The following PANK3 variants were observed in gnomAD, a reference collection of about 807,000 sequenced individuals.
PANK3 encodes hPanK3.
In PANK3, 20 loss-of-function variants were observed where a neutral mutation model predicts 39.4. That is an observed-to-expected ratio of 0.51 (90% confidence interval 0.36 to 0.74). The LOEUF is 0.74. Among genes scored for constraint, PANK3 ranks in the 30% least tolerant of loss-of-function variants. PANK3 has a pLI of 0.00. For missense variants in PANK3, 265 were observed against 437.0 expected, an observed-to-expected ratio of 0.61 and a Z score of 3.51; for synonymous variants, 140 against 157.3, an observed-to-expected ratio of 0.89 and a Z score of 0.82.
Position 168,550,380 on chromosome 5 carries a change from T to C in PANK3, c.*7191A>G, listed in dbSNP as rs1003307938. On this transcript the variant is annotated 3_prime_UTR_variant, in exon 7 of 7. Transcript: ENST00000239231. ...ATGGGTCTACTGGAACATAACCCTA[T>C]TGTAAGTCAAGGAACATCTGTATTC... 3 of 152,204 alleles carry C rather than the reference T, an allele frequency of 2.0e-5. No homozygotes were observed. Among genetic ancestry groups the C allele is most frequent in the African/African-American group, 7.2e-5 (3 of 41,454 alleles). The allele number at this position is 152,204 out of a possible 1,614,324, so 9.4% of individuals were successfully genotyped here.
At position 168,553,395 on chromosome 5, in the gene PANK3, C is replaced by G; in HGVS notation, c.*4176G>C. 1 of 475,944 alleles carries G rather than the reference C, an allele frequency of 2.1e-6. No individual in the cohort carries two copies. The highest frequency in any genetic ancestry group is 4.3e-6 in the Non-Finnish European group (1 of 233,578). The allele number at this position is 475,944 out of a possible 1,614,324, so 29.5% of individuals were successfully genotyped here. On this transcript the variant is annotated 3_prime_UTR_variant, in exon 7 of 7. Transcript: ENST00000239231. ...CCAACTCAGCTTGTCTGCAGAATCC[C>G]ATAAGGCAACCAGTAATAGCCAACA... is the stretch of plus-strand genomic sequence containing the variant.
In PANK3 at chr5:168,561,487, C is replaced by T. The variant is rs777845296; in HGVS notation, c.842G>A (p.Arg281Gln). 2.0e-5 allele frequency: 31 copies of T among 1,585,230 alleles called. No individual in the cohort carries two copies. The highest frequency in any genetic ancestry group is 3.5e-5 in the South Asian group (3 of 86,408). ...CAGATCTTCTTTACTAACAGATTCT[C>T]GCTTCTCCTTATAAATCATATTCCC... ...SFGNMIYKEK[R>Q]ESVSKEDLAR... The change falls in exon 5 of 7, where the codon CGA (arginine) becomes CAA (glutamine). Residue 281 changes from arginine (R) to glutamine (Q), a missense_variant. Around this residue, in one of 3 missense-constraint regions of PANK3, gnomAD observed 110 missense variants for 161.2 expected, o/e 0.68. Transcript: ENST00000239231.
At chr5:168,576,954 C>A (rs158893) in intron 1 of PANK3, among the ~76,000 whole-genome samples, 121,209 of 151,836 alleles carry the variant, frequency 0.8, 48,942 homozygotes, top group East Asian at 0.93. Flanking sequence ...ATCTCGGCTC[C>A]CTGTAACCTC....
chr5:168,573,442 A>AAAAAAAAAAAAAAAAC (rs1759679918), intron 1 of PANK3, among the ~76,000 whole-genome samples: 1 of 140,046 alleles, frequency 7.1e-6, no homozygotes. Context: ...AAAAAAAAAA[A>AAAAAAAAAAAAAAAAC]AAAAGGCACA....
Position 168,574,881 on chromosome 5 carries a change from CCA to C in PANK3, c.28+4373_28+4374del, listed in dbSNP as rs201020319. On this transcript the variant is annotated intron_variant, in intron 1 of 6. Coordinates refer to ENST00000239231, the MANE Select transcript of PANK3 (RefSeq NM_024594.4). ...CATCTCAAAAAAAAAGAGAAAAATACCAGTTTCCTAGGAAATCAAGCAAGTAT... is the reference window on the plus strand; with the variant it reads ...CATCTCAAAAAAAAAGAGAAAAATACGTTTCCTAGGAAATCAAGCAAGTAT... Among the ~76,000 whole-genome samples, 1,513 of 152,040 alleles carry C rather than the reference CCA, an allele frequency of 1.0e-2. 10 individuals are homozygous for C. Among genetic ancestry groups the C allele is most frequent in the Non-Finnish European group, 0.015 (1,011 of 67,954 alleles).
intron 3 of PANK3, among the ~76,000 whole-genome samples, chr5:168,564,788 T>C (rs1281851145): frequency 1.3e-5 from 2 of 152,206 alleles, no homozygotes; most frequent in African/African-American, 2.4e-5. Context: ...CTTCTTTACT[T>C]GGCCTGACAT....
chr5:168,566,813 G>A (rs996550123), intron 2 of PANK3, among the ~76,000 whole-genome samples: 7 of 151,970 alleles, frequency 4.6e-5, no homozygotes, highest in African/African-American at 1.2e-4. Context: ...GCATGATCTC[G>A]GCTCACTGCA....
In PANK3 at chr5:168,569,126, T is replaced by C. The variant is rs553449142; in HGVS notation, c.29-128A>G. 1.6e-4 allele frequency: 38 copies of C among 235,970 alleles called. 1 individual carries two copies. Among genetic ancestry groups the C allele is most frequent in the African/African-American group, 7.8e-4 (33 of 42,418 alleles). 14.6% of individuals were successfully genotyped at this position (235,970 alleles called of 1,614,324 possible). ...TCTGAATCATGCATTCAGGCAATAATATGTATTGGGTAAGACACATGTTCC... is the reference window on the plus strand; with the variant it reads ...TCTGAATCATGCATTCAGGCAATAACATGTATTGGGTAAGACACATGTTCC... On this transcript the variant is annotated intron_variant, in intron 1 of 6. Coordinates refer to ENST00000239231, the MANE Select transcript of PANK3 (RefSeq NM_024594.4).
chr5:168,550,256 G>C lies in PANK3; in HGVS notation c.*7315C>G, dbSNP rs1478832313. ...TTGCCCAGCTAAAGGCCAACGTTAA[G>C]TGTTCAGAACACATTTAAGATAGGC... On this transcript the variant is annotated 3_prime_UTR_variant, in exon 7 of 7. Transcript: ENST00000239231. 1 of 152,196 alleles carries C rather than the reference G, an allele frequency of 6.6e-6. No homozygotes were observed. The highest frequency in any genetic ancestry group is 1.5e-5 in the Non-Finnish European group (1 of 68,028). The allele number at this position is 152,196 out of a possible 1,614,324, so 9.4% of individuals were successfully genotyped here. A position where few individuals can be genotyped will look rare whatever the true frequency, so the allele number is the denominator to read the frequency against.
At chr5:168,569,435 G>A (rs944052599) in intron 1 of PANK3, among the ~76,000 whole-genome samples, 6 of 150,962 alleles carry the variant, frequency 4.0e-5, no homozygotes, top group Non-Finnish European at 8.8e-5. Flanking sequence ...CTTGTGATCC[G>A]CCTGCCTCTG....
Position 168,553,842 on chromosome 5 carries a change from T to C in PANK3, c.*3729A>G, listed in dbSNP as rs1759310119. ...TCATCATTACAGCATCTCTGCATTC[T>C]TGCTTTACCACATTTATCTCAGGCC... On this transcript the variant is annotated 3_prime_UTR_variant, in exon 7 of 7. Transcript: ENST00000239231. 2 of 152,468 alleles carry C rather than the reference T, an allele frequency of 1.3e-5. No homozygotes were observed. 9.4% of individuals were successfully genotyped at this position (152,468 alleles called of 1,614,324 possible). A position where few individuals can be genotyped will look rare whatever the true frequency, so the allele number is the denominator to read the frequency against.
At chr5:168,574,021 G>C (rs1186549765) in intron 1 of PANK3, among the ~76,000 whole-genome samples, 1 of 151,348 alleles carries the variant, frequency 6.6e-6, no homozygotes, top group African/African-American at 2.4e-5. Context: ...ATAGTCCTTT[G>C]GGTATACACC....
intron 2 of PANK3, among the ~76,000 whole-genome samples, chr5:168,567,338 T>C (rs1582465207): frequency 1.3e-5 from 2 of 152,232 alleles, no homozygotes; most frequent in East Asian, 1.9e-4. Context: ...TACCCACGGA[T>C]AGATTAATTT....
rs1554125711 is a variant in PANK3, at chr5:168,565,868, A to AATATAT, written c.635+139_635+144dup. The stretch of plus-strand genomic sequence containing the variant: ...CACCCTCTTTCACTTAAAAAAAAAA[A>AATATAT]ATATATATATATATATATTTTTTTT... On this transcript the variant is annotated intron_variant, in intron 3 of 6. Transcript: ENST00000239231. The AATATAT allele has an allele frequency of 1.8e-4, 24 of 131,950 alleles. 1 individual carries two copies. The highest frequency in any genetic ancestry group is 2.9e-4 in the South Asian group (1 of 3,438). The allele number at this position is 131,950 out of a possible 1,614,324, so 8.2% of individuals were successfully genotyped here. A position where few individuals can be genotyped will look rare whatever the true frequency, so the allele number is the denominator to read the frequency against.
At chr5:168,577,414 CAG>C (rs144632464) in intron 1 of PANK3, among the ~76,000 whole-genome samples, 18 of 152,138 alleles carry the variant, frequency 1.2e-4, no homozygotes, top group East Asian at 5.8e-4. Flanking sequence ...TGGGGAAAAA[CAG>C]GGGGTATTCT....
chr5:168,550,754 TCAAA>T lies in PANK3; in HGVS notation c.*6813_*6816del, dbSNP rs1759263245. ...TGAAAAAAAATTTACTTTAGTTATC[TCAAA>T]CACAGCCATGAATGAAGCAATTTTC... On this transcript the variant is annotated 3_prime_UTR_variant, in exon 7 of 7. Transcript: ENST00000239231. The T allele has an allele frequency of 6.6e-6, 1 of 152,120 alleles. No homozygotes were observed. The allele number at this position is 152,120 out of a possible 1,614,324, so 9.4% of individuals were successfully genotyped here.
intron 5 of PANK3, among the ~76,000 whole-genome samples, chr5:168,560,597 T>C (rs1759431318): frequency 6.6e-6 from 1 of 152,198 alleles, no homozygotes; most frequent in Non-Finnish European, 1.5e-5. Flanking sequence ...ATGTTCCAAA[T>C]ACCCAGAACG....
In PANK3 at chr5:168,566,114, G is replaced by A. The variant is rs1229490728; in HGVS notation, c.534C>T (p.Asn178=). ...EPERCQKMPF[N]LDDPYPLLVV... The stretch of plus-strand genomic sequence containing the variant: ...CAAGCAGTGGATAGGGATCATCCAG[G>A]TTAAAAGGCATCTTTTGGCATCGCT... The change falls in exon 3 of 7, where the codon AAC becomes AAT. Residue 178 remains asparagine, a synonymous_variant. Transcript: ENST00000239231. 6.2e-7 allele frequency: 1 copy of A among 1,613,806 alleles called. No homozygotes were observed. Among genetic ancestry groups the A allele is most frequent in the African/African-American group, 1.3e-5 (1 of 74,946 alleles).
rs1491333983 is a variant in PANK3 at position 168,548,763 on chromosome 5, TGA to T, written c.*8806_*8807del. 6.6e-5 allele frequency: 10 copies of T among 152,120 alleles called. No homozygotes were observed. The highest frequency in any genetic ancestry group is 2.9e-5 in the Non-Finnish European group (2 of 68,012). 9.4% of individuals were successfully genotyped at this position (152,120 alleles called of 1,614,324 possible). On this transcript the variant is annotated 3_prime_UTR_variant, in exon 7 of 7. Coordinates refer to ENST00000239231, the MANE Select transcript of PANK3 (RefSeq NM_024594.4). ...ATTTACATAAGATACTGTACATAAA[TGA>T]AAAAATAAATTAGGTAATTTACAAG...
Sources: gnomAD v4.1 joint callset for allele counts (sites outside exome capture counted in the v4.1 genomes callset) on GRCh38, gnomAD v4.1.1 for gene constraint, gnomAD v4.1.1 regional missense constraint, MANE v1.5 for transcripts, NCBI Gene and HGNC (gene_info 2026-07-23, HGNC 2026-07-21) for gene names.